YY1: variants seen among roughly 807,000 people sequenced by gnomAD.
YY1 encodes transcriptional repressor protein YY1.
YY1 carries 2 observed loss-of-function variants against 35.6 expected under a neutral mutation model. The ratio of observed to expected loss-of-function variants is 0.06; its 90% CI spans 0.02 to 0.18. The LOEUF is 0.18. Ranked by LOEUF, YY1 falls within the 10% of genes least tolerant of loss-of-function variation. The pLI is 1.00. For synonymous variants in YY1, 268 were observed against 238.9 expected (o/e 1.12, Z -1.12); for missense variants, 322 against 573.4 (o/e 0.56, Z 4.48).
chr14:100,260,737 C>T (rs1240752846), intron 1 of YY1, among the ~76,000 whole-genome samples: 8 of 136,642 alleles, frequency 5.9e-5, no homozygotes, highest in Non-Finnish European at 1.2e-4. Flanking sequence ...TCCCAAAGTG[C>T]TGGGATTACA....
At chr14:100,264,829 C>G (rs1469368928) in intron 2 of YY1, among the ~76,000 whole-genome samples, 1 of 152,132 alleles carries the variant, frequency 6.6e-6, no homozygotes, top group Non-Finnish European at 1.5e-5. Flanking sequence ...TACAAGAGAC[C>G]AGCTGGGCTC....
intron 2 of YY1, chr14:100,264,016 ATTT>A (rs1420897933): frequency 6.6e-6 from 1 of 151,936 alleles, no homozygotes; most frequent in Non-Finnish European, 1.5e-5. Context: ...TGCCTGGCTA[ATTT>A]TTTTATTTTA....
At chr14:100,262,782 T>G (rs1043266509) in intron 2 of YY1, among the ~76,000 whole-genome samples, 1 of 152,174 alleles carries the variant, frequency 6.6e-6, no homozygotes, top group African/African-American at 2.4e-5. Context: ...GGCAGCATTT[T>G]AGATCCTTGC....
At position 100,276,519 on chromosome 14, in the gene YY1, G is replaced by A. The variant is rs369992890; in HGVS notation, c.933G>A (p.Ser311=). Residue 311 remains serine, a synonymous_variant, in exon 4 of 5, where the codon TCG becomes TCA. Transcript: ENST00000262238. This position sits in a 1 kb window ranked among gnomAD's most constrained non-coding sequence, Gnocchi z 4.1. ...KGCTKMFRDN[S]AMRKHLHTHG... ...GCACAAAGATGTTCAGGGATAACTC[G>A]GCCATGAGAAAACATCTGCACACCC... 10 of 1,614,008 alleles carry A rather than the reference G, an allele frequency of 6.2e-6. No individual in the cohort carries two copies. The African/African-American group carries it at 8.0e-5, about 13-fold the overall frequency.
chr14:100,247,428 C>T (rs75451867), intron 1 of YY1, among the ~76,000 whole-genome samples: 10 of 146,310 alleles, frequency 6.8e-5, no homozygotes, highest in Admixed American at 5.6e-4. Flanking sequence ...GTCACCCAGT[C>T]GGGAGTACAG....
chr14:100,267,744 G>C (rs1891176384), intron 2 of YY1, among the ~76,000 whole-genome samples: 1 of 152,048 alleles, frequency 6.6e-6, no homozygotes, highest in Non-Finnish European at 1.5e-5. Flanking sequence ...AGATGGTCTC[G>C]ATCTCTCGAC....
chr14:100,248,731 A>G (rs1376430656), intron 1 of YY1, among the ~76,000 whole-genome samples: 2 of 138,192 alleles, frequency 1.4e-5, no homozygotes, highest in African/African-American at 2.8e-5. Context: ...TCTGTCACCC[A>G]GGCTGGAGTG....
intron 2 of YY1, among the ~76,000 whole-genome samples, chr14:100,270,132 A>C (rs1361760176): frequency 6.6e-6 from 1 of 151,422 alleles, no homozygotes; most frequent in Non-Finnish European, 1.5e-5. Flanking sequence ...GTGTGGTGGC[A>C]GGCGCCTGTA....
chr14:100,268,165 A>C (rs1891182075), intron 2 of YY1, among the ~76,000 whole-genome samples: 1 of 152,214 alleles, frequency 6.6e-6, no homozygotes, highest in Non-Finnish European at 1.5e-5. Context: ...GGTAGAATGT[A>C]AGCTGCTTTT....
At chr14:100,262,846 T>G (rs1450905405) in intron 2 of YY1, among the ~76,000 whole-genome samples, 1 of 152,244 alleles carries the variant, frequency 6.6e-6, no homozygotes, top group Non-Finnish European at 1.5e-5. Flanking sequence ...TAAATAAAAT[T>G]GCACGTAATT....
chr14:100,271,819 T>A (rs1246618302), intron 2 of YY1, among the ~76,000 whole-genome samples: 1 of 151,928 alleles, frequency 6.6e-6, no homozygotes, highest in African/African-American at 2.4e-5. Context: ...TAACTTTTTA[T>A]TTTTTTTAGA....
intron 3 of YY1, among the ~76,000 whole-genome samples, chr14:100,274,983 T>C (rs1442521335): frequency 1.3e-5 from 2 of 152,210 alleles, no homozygotes; most frequent in Non-Finnish European, 2.9e-5. Flanking sequence ...GATTACTGTG[T>C]GTTGACTCTA....
intron 1 of YY1, among the ~76,000 whole-genome samples, chr14:100,249,796 C>G (rs1890898224): frequency 1.2e-5 from 1 of 86,568 alleles, no homozygotes; most frequent in Non-Finnish European, 2.3e-5. Context: ...TTTTTTGAGA[C>G]AGAGTCTTGC....
At position 100,248,702 on chromosome 14, in the gene YY1, T is replaced by TA. The variant is rs1555369422; in HGVS notation, c.679+8780dup. On this transcript the variant is annotated intron_variant, in intron 1 of 4. Transcript: ENST00000262238. Reference sequence around the variant, plus strand: ...TTCTTTTTTTTTTTTTTTTTTTTTTTATTGAAACGGTGTCTCGCTCTGTCA... The same window carrying TA: ...TTCTTTTTTTTTTTTTTTTTTTTTTTAATTGAAACGGTGTCTCGCTCTGTCA... Among the ~76,000 whole-genome samples, 862 of 143,194 alleles carry TA rather than the reference T, an allele frequency of 6.0e-3. 8 individuals carry two copies. The highest frequency in any genetic ancestry group is 0.021 in the African/African-American group (815 of 38,562). 93.9% of individuals were successfully genotyped at this position (143,194 alleles called of 152,430 possible).
At position 100,267,143 on chromosome 14, in the gene YY1, C is replaced by T. The variant is rs536645656; in HGVS notation, c.842+4677C>T. Among the ~76,000 whole-genome samples, 37 of 152,160 alleles carry T rather than the reference C, an allele frequency of 2.4e-4. 1 individual carries two copies. The South Asian group carries it at 6.8e-3, about 28-fold the overall frequency. On this transcript the variant is annotated intron_variant, in intron 2 of 4. Transcript: ENST00000262238. The stretch of plus-strand genomic sequence containing the variant: ...CTGAAAAAGAAAAAGAAAAGGCAAT[C>T]GGAAACTCCATGAAAAGGGGTGAGG...
chr14:100,255,480 G>A (rs537361155), intron 1 of YY1, among the ~76,000 whole-genome samples: 2 of 152,042 alleles, frequency 1.3e-5, no homozygotes, highest in Admixed American at 6.6e-5. Flanking sequence ...ATAGCTGAGC[G>A]TGGTGGTGTG....
intron 2 of YY1, among the ~76,000 whole-genome samples, chr14:100,269,330 G>A (rs1030047012): frequency 1.3e-5 from 2 of 151,792 alleles, no homozygotes; most frequent in Non-Finnish European, 2.9e-5. Context: ...ATAAGAAACC[G>A]AGGCCGAGAA....
At chr14:100,249,617 T>C (rs1374677274) in intron 1 of YY1, among the ~76,000 whole-genome samples, 2 of 152,124 alleles carry the variant, frequency 1.3e-5, no homozygotes, top group African/African-American at 4.8e-5. Context: ...CAAAATACTA[T>C]TTTGGTCTAT....
At position 100,279,053 on chromosome 14, in the gene YY1, A is replaced by C. The variant is rs1891371553; in HGVS notation, c.*1453A>C. 2 of 152,248 alleles carry C rather than the reference A, an allele frequency of 1.3e-5. No homozygotes were observed. The highest frequency in any genetic ancestry group is 6.5e-5 in the Admixed American group (1 of 15,294). 9.4% of individuals were successfully genotyped at this position (152,248 alleles called of 1,614,324 possible). On this transcript the variant is annotated 3_prime_UTR_variant, in exon 5 of 5. Coordinates refer to ENST00000262238, the MANE Select transcript of YY1 (RefSeq NM_003403.5). ...TGTTTCTAAATGGACACTGGGTGCAAATCGGCAAGGTGATTAGATTATTAG... is the reference window on the plus strand; with the variant it reads ...TGTTTCTAAATGGACACTGGGTGCACATCGGCAAGGTGATTAGATTATTAG...
Sources: gnomAD v4.1 joint callset for allele counts (sites outside exome capture counted in the v4.1 genomes callset) on GRCh38, gnomAD v4.1.1 for gene constraint, Gnocchi (gnomAD v3.1) non-coding constraint, MANE v1.5 for transcripts, NCBI Gene and HGNC (gene_info 2026-07-23, HGNC 2026-07-21) for gene names.